Variants in GPC6 observed in about 807,000 individuals in gnomAD.
GPC6 encodes glypican 6.
Under a neutral mutation model 55.2 loss-of-function variants are expected in GPC6, and 14 were observed. The observed-to-expected ratio is 0.25, with a 90% CI of 0.17 to 0.40. GPC6 has a LOEUF of 0.40. Among genes scored for constraint, GPC6 ranks in the 10% least tolerant of loss-of-function variants. The pLI is 1.00. For synonymous variants in GPC6, 278 were observed against 259.6 expected, an observed-to-expected ratio of 1.07 and a Z score of -0.68; for missense variants, 641 against 708.5, an observed-to-expected ratio of 0.90 and a Z score of 1.08.
At chr13:93,936,138 G>A (rs1878426115) in intron 3 of GPC6, among the ~76,000 whole-genome samples, 1 of 152,142 alleles carries the variant, frequency 6.6e-6, no homozygotes, top group African/African-American at 2.4e-5. Flanking sequence ...TATTTGGATT[G>A]TAGAGAAACA....
At chr13:93,378,306 T>G (rs76211925) in intron 1 of GPC6, among the ~76,000 whole-genome samples, 2 of 152,212 alleles carry the variant, frequency 1.3e-5, no homozygotes. Flanking sequence ...CTGACATATT[T>G]AATTCATCCT....
At chr13:94,121,461 T>G (rs1369703660) in intron 4 of GPC6, among the ~76,000 whole-genome samples, 1 of 152,152 alleles carries the variant, frequency 6.6e-6, no homozygotes, top group Non-Finnish European at 1.5e-5. Context: ...ACAAAAGTCA[T>G]TCAATAAAAA....
chr13:93,423,080 G>T (rs1876985810), intron 1 of GPC6, among the ~76,000 whole-genome samples: 1 of 152,124 alleles, frequency 6.6e-6, no homozygotes, highest in African/African-American at 2.4e-5. Context: ...TTAGCCCAGT[G>T]GCATGGGGCA....
At chr13:93,259,173 T>C (rs1397702469) in intron 1 of GPC6, among the ~76,000 whole-genome samples, 3 of 152,198 alleles carry the variant, frequency 2.0e-5, no homozygotes, top group Non-Finnish European at 2.9e-5. Flanking sequence ...TGGATTTCTA[T>C]GTTCATAATA....
At chr13:93,529,510 CTTTTTTTTTTTTT>C (rs1165594323) in intron 1 of GPC6, among the ~76,000 whole-genome samples, 1 of 85,196 alleles carries the variant, frequency 1.2e-5, no homozygotes, top group Non-Finnish European at 2.1e-5. Context: ...CTCTGAGATT[CTTTTTTTTTTTTT>C]TTTTTTTTTT....
chr13:93,513,301 T>C (rs1298363294), intron 1 of GPC6, among the ~76,000 whole-genome samples: 1 of 152,212 alleles, frequency 6.6e-6, no homozygotes, highest in South Asian at 2.1e-4. Context: ...GCCCCTGGGA[T>C]GATAAACCAA....
intron 2 of GPC6, among the ~76,000 whole-genome samples, chr13:93,794,759 A>G (rs2138927604): frequency 6.6e-6 from 1 of 152,298 alleles, no homozygotes; most frequent in African/African-American, 2.4e-5. Flanking sequence ...AAGGATCAAA[A>G]CAGGGCAGAT....
intron 1 of GPC6, among the ~76,000 whole-genome samples, chr13:93,527,328 A>T (rs1881692993): frequency 6.6e-6 from 1 of 152,022 alleles, no homozygotes; most frequent in South Asian, 2.1e-4. Context: ...ATGTAAAGAC[A>T]TTTTTCACTC....
chr13:93,876,736 G>T (rs1023072478), intron 3 of GPC6, among the ~76,000 whole-genome samples: 1 of 151,990 alleles, frequency 6.6e-6, no homozygotes, highest in Non-Finnish European at 1.5e-5. Flanking sequence ...TATCCAGGAA[G>T]AATTTTTTTC....
At chr13:94,198,399 C>T (rs1889647692) in intron 4 of GPC6, among the ~76,000 whole-genome samples, 1 of 152,088 alleles carries the variant, frequency 6.6e-6, no homozygotes, top group Non-Finnish European at 1.5e-5. Flanking sequence ...ATTCTCTCAT[C>T]CTAAGAAACG....
At chr13:93,983,845 T>C (rs960422492) in intron 3 of GPC6, among the ~76,000 whole-genome samples, 1 of 151,328 alleles carries the variant, frequency 6.6e-6, no homozygotes, top group African/African-American at 2.4e-5. Flanking sequence ...TCTGGACTGA[T>C]TAGAAATCCA....
chr13:94,170,572 G>C (rs1158142747), intron 4 of GPC6, among the ~76,000 whole-genome samples: 4 of 152,190 alleles, frequency 2.6e-5, no homozygotes, highest in Admixed American at 2.6e-4. Context: ...ATTGAAAAGG[G>C]AATGTAGTTC....
chr13:93,288,616 C>T (rs1878215850), intron 1 of GPC6, among the ~76,000 whole-genome samples: 1 of 152,028 alleles, frequency 6.6e-6, no homozygotes, highest in African/African-American at 2.4e-5. Flanking sequence ...CTTCATAAAA[C>T]ATAAAAAGGC....
intron 4 of GPC6, among the ~76,000 whole-genome samples, chr13:94,198,355 T>G (rs1178238641): frequency 6.6e-6 from 1 of 152,224 alleles, no homozygotes; most frequent in East Asian, 1.9e-4. Context: ...TAACTTGGGC[T>G]AGGTGATCTT....
chr13:93,945,881 A>C (rs1878984606), intron 3 of GPC6, among the ~76,000 whole-genome samples: 1 of 152,212 alleles, frequency 6.6e-6, no homozygotes, highest in African/African-American at 2.4e-5. Flanking sequence ...TAGCAACAAG[A>C]TGTTGGAATT....
At chr13:94,185,852 A>C (rs2138954048) in intron 4 of GPC6, among the ~76,000 whole-genome samples, 1 of 152,102 alleles carries the variant, frequency 6.6e-6, no homozygotes, top group African/African-American at 2.4e-5. Flanking sequence ...CGAGGTCAGG[A>C]GATCAAGACC....
At chr13:93,953,839 T>A (rs375434512) in intron 3 of GPC6, among the ~76,000 whole-genome samples, 1 of 152,192 alleles carries the variant, frequency 6.6e-6, no homozygotes, top group South Asian at 2.1e-4. Context: ...GTTCCACCTG[T>A]ATAATATTGT....
chr13:93,300,783 G>A (rs1360260107), intron 1 of GPC6, among the ~76,000 whole-genome samples: 1 of 152,122 alleles, frequency 6.6e-6, no homozygotes, highest in African/African-American at 2.4e-5. Context: ...ACTTTGGGAG[G>A]CCAACGCAGG....
intron 1 of GPC6, among the ~76,000 whole-genome samples, chr13:93,345,669 A>G (rs988805455): frequency 6.6e-6 from 1 of 152,208 alleles, no homozygotes; most frequent in Non-Finnish European, 1.5e-5. Context: ...CAATGAATGC[A>G]TAATGCATGC....
Sources: allele counts gnomAD v4.1 joint callset (sites outside exome capture counted in the v4.1 genomes callset), GRCh38; gene constraint gnomAD v4.1.1; transcripts MANE v1.5; gene names NCBI Gene and HGNC (gene_info 2026-07-23, HGNC 2026-07-21).